The following APOB variants were observed in gnomAD, a reference collection of about 807,000 sequenced individuals.
APOB encodes the protein apolipoprotein B.
APOB carries 153 observed loss-of-function variants against 314.1 expected under a neutral mutation model. That is an observed-to-expected ratio of 0.49 (90% CI 0.43 to 0.56). The LOEUF (loss-of-function observed/expected upper bound fraction) is 0.56, where lower values mean the gene tolerates loss of function less well. Among genes scored for constraint, APOB ranks in the 20% least tolerant of loss-of-function variants. The pLI is 0.00. For missense variants in APOB, 5,430 were observed against 5,350.7 expected, an observed-to-expected ratio of 1.01 and a Z score of -0.46; for synonymous variants, 2,087 against 2,036.4, an observed-to-expected ratio of 1.02 and a Z score of -0.67.
Position 21,007,562 on chromosome 2 carries a change from G to T in APOB, c.9306C>A (p.Phe3102Leu). 1 of 1,614,048 alleles carries T rather than the reference G, an allele frequency of 6.2e-7. No individual in the cohort carries two copies. ...RFNQYKYNQN[F>L]SAGNNENIME... Reference sequence around the variant, plus strand: ...TAATGTTCTCGTTGTTTCCAGCAGAGAAATTTTGGTTGTACTTATACTGAT... The same window carrying T: ...TAATGTTCTCGTTGTTTCCAGCAGATAAATTTTGGTTGTACTTATACTGAT... The change falls in exon 26 of 29, where the codon TTC (phenylalanine) becomes TTA (leucine). Residue 3102 changes from phenylalanine (F) to leucine (L), a missense_variant. This residue lies in a region of APOB where 3,281 missense variants were observed against 3,171.0 expected (regional missense o/e 1.03). Transcript: ENST00000233242.
Position 21,004,314 on chromosome 2 carries a change from A to C in APOB, c.12042T>G (p.Asp4014Glu). The change falls in exon 28 of 29, where the codon GAT becomes GAG. Residue 4014 changes from aspartate to glutamate, a missense_variant. Physicochemically the swap from Asp to Glu is conservative, Grantham distance 45 (BLOSUM62 2). Around this residue, in one of 3 missense-constraint regions of APOB, gnomAD observed 3,281 missense variants for 3,171.0 expected, o/e 1.03. Coordinates refer to ENST00000233242, the MANE Select transcript of APOB (RefSeq NM_000384.3). ...TCCATTTAGAAAAGTCGTCATCTTCATCCATATCCATGCCCACGGTGCCTA... is the reference window on the plus strand; with the variant it reads ...TCCATTTAGAAAAGTCGTCATCTTCCTCCATATCCATGCCCACGGTGCCTA... ...PAVGTVGMDM[D>E]EDDDFSKWNF... The C allele has an allele frequency of 6.2e-7, 1 of 1,613,994 alleles. No homozygotes were observed. The highest frequency in any genetic ancestry group is 8.5e-7 in the Non-Finnish European group (1 of 1,179,914).
intron 17 of APOB, 117 bp downstream of exon 17, chr2:21,023,408 A>G: frequency 8.1e-7 from 1 of 1,227,086 alleles, no homozygotes. Flanking sequence ...TGAGGTGATT[A>G]CAATGATGAA....
chr2:21,009,205 T>C lies in APOB; in HGVS notation c.7663A>G (p.Thr2555Ala), dbSNP rs1663237222. 1 of 1,613,958 alleles carries C rather than the reference T, an allele frequency of 6.2e-7. No individual in the cohort carries two copies. Residue 2555 changes from threonine to alanine, a missense_variant, in exon 26 of 29, where the codon ACT becomes GCT. By Grantham distance (58) the Thr-to-Ala change is moderately conservative. Around this residue, in one of 3 missense-constraint regions of APOB, gnomAD observed 3,281 missense variants for 3,171.0 expected, o/e 1.03. Coordinates refer to ENST00000233242, the MANE Select transcript of APOB (RefSeq NM_000384.3). ...TLVTYISDWW[T>A]LAAKNLTDFA... ...TCAGTAAGGTTCTTAGCAGCAAGAG[T>C]CCACCAATCAGAAATGTAGGTGACA...
At position 21,006,732 on chromosome 2, in the gene APOB, T is replaced by C. The variant is rs201511950; in HGVS notation, c.10136A>G (p.Tyr3379Cys). The C allele has an allele frequency of 5.6e-6, 9 of 1,614,092 alleles. No individual in the cohort carries two copies. Among genetic ancestry groups the C allele is most frequent in the Non-Finnish European group, 6.8e-6 (8 of 1,179,970 alleles). Residue 3379 changes from tyrosine to cysteine, a missense_variant, in exon 26 of 29, where the codon TAC becomes TGC. By Grantham distance (194) the Tyr-to-Cys change is radical. Around this residue, in one of 3 missense-constraint regions of APOB, gnomAD observed 3,281 missense variants for 3,171.0 expected, o/e 1.03. Transcript: ENST00000233242. Reference sequence around the variant, plus strand: ...CAATCTTGTGGTGCCCTCTAATTTGTACTGCAGTGCATCAATGACAGATGA... The same window carrying C: ...CAATCTTGTGGTGCCCTCTAATTTGCACTGCAGTGCATCAATGACAGATGA... ...SSSSVIDALQYKLEGTTRLTR... is the reference protein window; with the variant it reads ...SSSSVIDALQCKLEGTTRLTR...
chr2:21,027,961 AG>A lies in APOB; in HGVS notation c.1933del (p.Leu645PhefsTer11). 1.2e-6 allele frequency: 2 copies of A among 1,613,982 alleles called. No homozygotes were observed. Among genetic ancestry groups the A allele is most frequent in the Non-Finnish European group, 1.7e-6 (2 of 1,179,804 alleles). On this transcript the variant is annotated frameshift_variant, in exon 14 of 29. Coordinates refer to ENST00000233242, the MANE Select transcript of APOB (RefSeq NM_000384.3). LOFTEE classifies it high-confidence loss of function. ...GGCTGAGGCTGGGTCAAGTGATGGA[AG>A]AGAAACAGATTTGTAGAGTTGATAG... ...RNYQLYKSVS[L>X]PSLDPASAKI...
At chr2:21,024,720 A>G (rs1663690268) in intron 16 of APOB, 1 of 702,716 alleles carries the variant, frequency 1.4e-6, no homozygotes, top group Non-Finnish European at 2.6e-6. Flanking sequence ...TTAAAAATAC[A>G]GCTAACATTA....
intron 19 of APOB, 88 bp downstream of exon 19, chr2:21,019,635 A>G (rs1460899738): frequency 3.6e-6 from 5 of 1,387,582 alleles, no homozygotes; most frequent in Non-Finnish European, 5.1e-6. Flanking sequence ...AGGGTCTTAC[A>G]ACACAGAGTA....
rs780971049 is a variant in APOB, at chr2:21,015,268, T to TA, written c.3509-9dup. The TA allele has an allele frequency of 1.2e-6, 2 of 1,614,078 alleles. No individual in the cohort carries two copies. Among genetic ancestry groups the TA allele is most frequent in the East Asian group, 2.2e-5 (1 of 44,890 alleles). On this transcript the variant is annotated splice_polypyrimidine_tract_variant and intron_variant, in intron 22 of 28. Coordinates refer to ENST00000233242, the MANE Select transcript of APOB (RefSeq NM_000384.3). ...ATTCAATCTTCTCTTCATCTGAAAATACGTAGGAAATAGTTGTGAATGGTA... is the reference window on the plus strand; with the variant it reads ...ATTCAATCTTCTCTTCATCTGAAAATAACGTAGGAAATAGTTGTGAATGGTA...
chr2:21,015,732 G>C (rs1237107948), intron 21 of APOB, among the ~76,000 whole-genome samples, 187 bp from the exon 22 acceptor site: 1 of 152,150 alleles, frequency 6.6e-6, no homozygotes, highest in Admixed American at 6.5e-5. Context: ...TTTGCAAACA[G>C]GTTTAGGAGA....
chr2:21,032,514 G>A lies in APOB; in HGVS notation c.1192C>T (p.Leu398=), dbSNP rs1398036399. 3 of 1,614,072 alleles carry A rather than the reference G, an allele frequency of 1.9e-6. No individual in the cohort carries two copies. Among genetic ancestry groups the A allele is most frequent in the Admixed American group, 3.3e-5 (2 of 60,004 alleles). The change falls in exon 10 of 29, where the codon CTG becomes TTG. Residue 398 remains leucine (L), a synonymous_variant. Transcript: ENST00000233242. ...AGGGGGTTGGCATGCACACGTTTCA[G>A]CCACTGGAGGATGTGAGTGGAGCAC... The part of the protein sequence containing the change: ...PQCSTHILQW[L]KRVHANPLLI...
rs1247709788 is a variant in APOB at position 21,014,450 on chromosome 2, T to C, written c.3840A>G (p.Lys1280=). The C allele has an allele frequency of 1.2e-6, 2 of 1,614,106 alleles. No homozygotes were observed. The highest frequency in any genetic ancestry group is 1.7e-6 in the Non-Finnish European group (2 of 1,179,974). ...DFHIPENLFL[K]SDGRVKYTLN... is the part of the protein sequence containing the mutation. ...GCCTTGCTGCTTTCTTCTTTTACCT[T>C]TTTAAGAAGAGGTTTTCTGGGATGT... Residue 1280 remains lysine, a splice_region_variant and synonymous_variant, in exon 24 of 29, where the codon AAA becomes AAG. Transcript: ENST00000233242.
rs1212073928 is a variant in APOB at position 21,005,883 on chromosome 2, G to T, written c.10985C>A (p.Ala3662Glu). 6.2e-7 allele frequency: 1 copy of T among 1,613,866 alleles called. No homozygotes were observed. The highest frequency in any genetic ancestry group is 1.3e-5 in the African/African-American group (1 of 74,910). The change falls in exon 26 of 29, where the codon GCA becomes GAA. Residue 3662 changes from alanine (A) to glutamate (E), a missense_variant. By Grantham distance (107) the Ala-to-Glu change is moderately radical. This residue lies in a region of APOB where 3,281 missense variants were observed against 3,171.0 expected (regional missense o/e 1.03). Coordinates refer to ENST00000233242, the MANE Select transcript of APOB (RefSeq NM_000384.3). Reference sequence around the variant, plus strand: ...CCTTAGGTGTCCTTCTAAGGATCCTGCAATGTCAAGGTGTGCCTTTTCTTG... The same window carrying T: ...CCTTAGGTGTCCTTCTAAGGATCCTTCAATGTCAAGGTGTGCCTTTTCTTG... ...NDQEKAHLDI[A>E]GSLEGHLRFL...
intron 6 of APOB, among the ~76,000 whole-genome samples, chr2:21,036,307 C>T (rs956840721): frequency 2.6e-5 from 4 of 152,182 alleles, no homozygotes; most frequent in Admixed American, 1.3e-4. Flanking sequence ...GAGCAAACAG[C>T]AGATGCTCAG....
chr2:21,028,767 A>C (rs1035070946), intron 12 of APOB, among the ~76,000 whole-genome samples: 5 of 152,262 alleles, frequency 3.3e-5, no homozygotes, highest in Non-Finnish European at 7.3e-5. Flanking sequence ...CAATTCCATT[A>C]AAACACATAA....
intron 25 of APOB, 103 bp from the exon 26 acceptor site, chr2:21,012,754 C>T: frequency 8.2e-7 from 1 of 1,220,716 alleles, no homozygotes; most frequent in Non-Finnish European, 1.2e-6. Flanking sequence ...TTTTCTGGGC[C>T]AATTGTGCAA....
rs1281732110 is a variant in APOB, at chr2:21,009,422, T to C, written c.7446A>G (p.Glu2482=). The C allele has an allele frequency of 6.2e-7, 1 of 1,613,964 alleles. No homozygotes were observed. Among genetic ancestry groups the C allele is most frequent in the African/African-American group, 1.3e-5 (1 of 74,912 alleles). Residue 2482 remains glutamate (E), a synonymous_variant, in exon 26 of 29, where the codon GAA becomes GAG. Transcript: ENST00000233242. ...ETKATVAVYL[E]SLQDTKITLI... ...AGGTTATTTTGGTGTCCTGTAGGCT[T>C]TCCAGATACACTGCAACTGTGGCCT...
rs766130090 is a variant in APOB, at chr2:21,022,836, A to T, written c.2811T>A (p.Ser937Arg). ...GACTTGGCTGAAAGAATTACCCTCCACTGAGCAGCTTGACTGGTCTCTTTG... is the reference window on the plus strand; with the variant it reads ...GACTTGGCTGAAAGAATTACCCTCCTCTGAGCAGCTTGACTGGTCTCTTTG... ...PSPKRPVKLLSGGNTLHLVST... is the reference protein window; with the variant it reads ...PSPKRPVKLLRGGNTLHLVST... Residue 937 changes from serine (S) to arginine (R), a missense_variant, in exon 18 of 29, where the codon AGT (serine) becomes AGA (arginine). Physicochemically the swap from Ser to Arg is moderately radical, Grantham distance 110. Coordinates refer to ENST00000233242, the MANE Select transcript of APOB (RefSeq NM_000384.3). The T allele has an allele frequency of 1.2e-6, 2 of 1,614,048 alleles. No individual in the cohort carries two copies. The highest frequency in any genetic ancestry group is 2.2e-5 in the South Asian group (2 of 91,072).
chr2:21,003,656 G>A (rs1391090134), intron 28 of APOB, among the ~76,000 whole-genome samples: 1 of 152,136 alleles, frequency 6.6e-6, no homozygotes, highest in African/African-American at 2.4e-5. Context: ...AAGAAGAGGA[G>A]AGAGAAGAAG....
In APOB at chr2:21,009,734, G is replaced by T. The variant is rs793888518; in HGVS notation, c.7134C>A (p.Ser2378Arg). The stretch of plus-strand genomic sequence containing the variant: ...TTATCTTAACTTGTTGTAGGACATT[G>T]CTTAGCTTCTGAATAGTCTCCTTCA... ...YKLKETIQKL[S>R]NVLQQVKIKD... The change falls in exon 26 of 29, where the codon AGC becomes AGA. Residue 2378 changes from serine to arginine, a missense_variant. Physicochemically the swap from Ser to Arg is moderately radical, Grantham distance 110. Transcript: ENST00000233242. 1 of 1,613,816 alleles carries T rather than the reference G, an allele frequency of 6.2e-7. No homozygotes were observed. The highest frequency in any genetic ancestry group is 8.5e-7 in the Non-Finnish European group (1 of 1,179,880).
Sources: allele counts gnomAD v4.1 joint callset (sites outside exome capture counted in the v4.1 genomes callset), GRCh38; gene constraint gnomAD v4.1.1; regional missense constraint gnomAD v4.1.1; transcripts MANE v1.5; gene names NCBI Gene and HGNC (gene_info 2026-07-23, HGNC 2026-07-21).